The following PCDH15 variants were observed in gnomAD, a reference collection of about 807,000 sequenced individuals.
PCDH15 encodes protocadherin-15.
PCDH15 carries 129 observed loss-of-function variants against 178.5 expected under a neutral mutation model. The observed-to-expected ratio is 0.72, with a 90% CI of 0.63 to 0.84. PCDH15 has a LOEUF of 0.84. PCDH15 is among the 40% of genes least tolerant of loss of function. PCDH15 has a pLI of 0.00. For missense variants in PCDH15, 2,230 were observed against 2,099.9 expected (o/e 1.06, Z -1.21); for synonymous variants, 800 against 732.0 (o/e 1.09, Z -1.50).
At chr10:54,947,907 A>AG (rs1838232774) in intron 2 of PCDH15, among the ~76,000 whole-genome samples, 2 of 152,044 alleles carry the variant, frequency 1.3e-5, no homozygotes, top group African/African-American at 4.8e-5. Context: ...ATTAGGTAGA[A>AG]TGAACATGAG....
intron 17 of PCDH15, among the ~76,000 whole-genome samples, chr10:54,068,926 T>A (rs975778810): frequency 1.3e-5 from 2 of 152,214 alleles, no homozygotes; most frequent in Non-Finnish European, 1.5e-5. Flanking sequence ...TATGTAAGTA[T>A]GTTTAAAGAA....
chr10:54,862,124 T>C (rs867800520), intron 3 of PCDH15, among the ~76,000 whole-genome samples: 3 of 152,220 alleles, frequency 2.0e-5, no homozygotes, highest in Admixed American at 1.3e-4. Flanking sequence ...ATATACATCA[T>C]AGTAATACAT....
chr10:54,155,686 T>A (rs1269385304), intron 13 of PCDH15, among the ~76,000 whole-genome samples: 3 of 151,160 alleles, frequency 2.0e-5, no homozygotes, highest in Non-Finnish European at 4.4e-5. Context: ...TTTTTTTTTT[T>A]AAACCTCAAC....
chr10:55,049,476 GA>G (rs940075596), intron 2 of PCDH15, among the ~76,000 whole-genome samples: 9 of 149,898 alleles, frequency 6.0e-5, no homozygotes, highest in Admixed American at 1.3e-4. Context: ...CTGCATTCAT[GA>G]AAAAAAAATA....
intron 1 of PCDH15, among the ~76,000 whole-genome samples, chr10:54,681,420 G>A (rs1056909196): frequency 2.0e-5 from 3 of 152,054 alleles, no homozygotes; most frequent in East Asian, 1.9e-4. Flanking sequence ...AATATTTAGA[G>A]GTCAGAAAAA....
intron 26 of PCDH15, among the ~76,000 whole-genome samples, chr10:53,883,542 G>T (rs559535114): frequency 6.6e-6 from 1 of 152,192 alleles, no homozygotes; most frequent in East Asian, 1.9e-4. Context: ...CACTGACCAA[G>T]AAGCAGGTCA....
At chr10:54,631,887 G>A (rs1231022514) in intron 2 of PCDH15, among the ~76,000 whole-genome samples, 1 of 151,958 alleles carries the variant, frequency 6.6e-6, no homozygotes, top group Non-Finnish European at 1.5e-5. Flanking sequence ...CACACTTCGC[G>A]AGAACAGCAT....
At chr10:54,911,407 T>C (rs6481131) in intron 2 of PCDH15, among the ~76,000 whole-genome samples, 148,937 of 152,256 alleles carry the variant, frequency 0.98, 72,925 homozygotes, top group East Asian at 1. Flanking sequence ...TTAGACATGC[T>C]TAGATATACA....
intron 2 of PCDH15, among the ~76,000 whole-genome samples, chr10:55,021,449 A>T (rs1296833699): frequency 6.6e-6 from 1 of 152,160 alleles, no homozygotes; most frequent in East Asian, 1.9e-4. Flanking sequence ...GCAAGTCACT[A>T]TGGTAAATTA....
At chr10:55,042,273 G>A (rs1377439866) in intron 2 of PCDH15, among the ~76,000 whole-genome samples, 4 of 152,188 alleles carry the variant, frequency 2.6e-5, no homozygotes, top group African/African-American at 9.6e-5. Context: ...GCAAATATAA[G>A]GAGTAGACTA....
intron 28 of PCDH15, among the ~76,000 whole-genome samples, chr10:53,847,796 T>A (rs1299254263): frequency 6.6e-6 from 1 of 152,088 alleles, no homozygotes; most frequent in East Asian, 1.9e-4. Flanking sequence ...TTCTTTAACT[T>A]CTTTCTCATC....
chr10:55,334,242 ATGTGTGTGTGTG>A lies in PCDH15; in HGVS notation c.-155-167603_-155-167592del, dbSNP rs1208145029. Reference sequence around the variant, plus strand: ...GCTCCATATATATATATATATATATATGTGTGTGTGTGTGTGTGTGTGTGTGTGTGTGTGTGT... The same window carrying A: ...GCTCCATATATATATATATATATATATGTGTGTGTGTGTGTGTGTGTGTGT... On this transcript the variant is annotated intron_variant, in intron 2 of 5. Transcript: ENST00000613346. Among the ~76,000 whole-genome samples, 61 of 72,140 alleles carry A rather than the reference ATGTGTGTGTGTG, an allele frequency of 8.5e-4. 2 individuals carry two copies. The highest frequency in any genetic ancestry group is 1.7e-3 in the Admixed American group (11 of 6,360). The allele number at this position is 72,140 out of a possible 152,430, so 47.3% of individuals were successfully genotyped here.
chr10:55,494,665 T>C (rs942146667), intron 2 of PCDH15, among the ~76,000 whole-genome samples: 1 of 151,758 alleles, frequency 6.6e-6, no homozygotes, highest in Non-Finnish European at 1.5e-5. Flanking sequence ...CTACCTCAGA[T>C]TTACAGTGAT....
At chr10:54,779,392 C>A (rs775644149) in intron 1 of PCDH15, among the ~76,000 whole-genome samples, 83 of 95,030 alleles carry the variant, frequency 8.7e-4, no homozygotes, top group Admixed American at 3.4e-3. Flanking sequence ...GTCTCTCTCT[C>A]TCTATATATA....
chr10:54,903,876 C>T (rs1954679092), intron 2 of PCDH15, among the ~76,000 whole-genome samples: 1 of 151,888 alleles, frequency 6.6e-6, no homozygotes, highest in South Asian at 2.1e-4. Context: ...GAGCGTAGTT[C>T]CCTCCCACAA....
At chr10:54,189,256 G>A in intron 11 of PCDH15, 1 of 765,162 alleles carries the variant, frequency 1.3e-6, no homozygotes, top group Non-Finnish European at 2.2e-6. Flanking sequence ...TCCTTATAAG[G>A]GATAATGAAG....
At chr10:54,658,919 C>G (rs1282577059) in intron 2 of PCDH15, among the ~76,000 whole-genome samples, 4 of 152,108 alleles carry the variant, frequency 2.6e-5, no homozygotes, top group Non-Finnish European at 5.9e-5. Context: ...ATGATATCCA[C>G]AGCCCCAAAG....
At chr10:54,533,948 T>C (rs985788835) in intron 2 of PCDH15, among the ~76,000 whole-genome samples, 20 of 152,134 alleles carry the variant, frequency 1.3e-4, no homozygotes, top group Admixed American at 6.5e-5. Context: ...CTAACTTTGG[T>C]TTTTAATAGT....
chr10:54,681,706 T>C (rs1368710832), intron 1 of PCDH15, among the ~76,000 whole-genome samples: 1 of 152,136 alleles, frequency 6.6e-6, no homozygotes, highest in Non-Finnish European at 1.5e-5. Flanking sequence ...TTTTTTTTAC[T>C]GTGCAAGTGA....
Sources: gnomAD v4.1 joint callset for allele counts (sites outside exome capture counted in the v4.1 genomes callset) on GRCh38, gnomAD v4.1.1 for gene constraint, MANE v1.5 for transcripts, NCBI Gene and HGNC (gene_info 2026-07-23, HGNC 2026-07-21) for gene names.